ZAN: variants seen among roughly 807,000 people sequenced by gnomAD.
The protein encoded by ZAN is zonadhesin (gene/pseudogene).
A neutral mutation model predicts 286.2 loss-of-function variants in ZAN; 260 were observed. The ratio of observed to expected loss-of-function variants is 0.91; its 90% CI spans 0.82 to 1.01. ZAN has a LOEUF of 1.01. Among genes scored for constraint, ZAN ranks in the 50% least tolerant of loss-of-function variants. The pLI is 0.00. For synonymous variants in ZAN, 1,368 were observed against 1,417.5 expected (o/e 0.97, Z 0.79); for missense variants, 3,410 against 3,639.2 (o/e 0.94, Z 1.62).
Position 100,768,644 on chromosome 7 carries a change from G to A in ZAN, c.5076G>A (p.Leu1692=). Residue 1692 remains leucine, a synonymous_variant, in exon 27 of 48, where the codon CTG becomes CTA. Coordinates refer to ENST00000613979, the MANE Select transcript of ZAN (RefSeq NM_003386.3). ...NYNNNSLDDN[L]RPDRKLAGDS... is the part of the protein sequence containing the mutation. ...ACAACAACAGCTTGGATGACAACCTGCGCCCCGACAGAAAGCTTGCAGGCG... is the reference window on the plus strand; with the variant it reads ...ACAACAACAGCTTGGATGACAACCTACGCCCCGACAGAAAGCTTGCAGGCG... 1 of 1,611,038 alleles carries A rather than the reference G, an allele frequency of 6.2e-7. No individual in the cohort carries two copies. Among genetic ancestry groups the A allele is most frequent in the Non-Finnish European group, 8.5e-7 (1 of 1,178,568 alleles).
chr7:100,753,034 A>C lies in ZAN; in HGVS notation c.2929A>C (p.Thr977Pro). ...ACCCACCATCCCCACGGAAAAACTT[A>C]CCATCCCCACGGAAAAACCCACCAT... ...EKPTIPTEKL[T>P]IPTEKPTIPT... The change falls in exon 14 of 48, where the codon ACC becomes CCC. Residue 977 changes from threonine to proline, a missense_variant. By Grantham distance (38) the Thr-to-Pro change is conservative (BLOSUM62 -1). Around this residue, in one of 7 missense-constraint regions of ZAN, gnomAD observed 1,042 missense variants for 1,058.0 expected, o/e 0.98. Coordinates refer to ENST00000613979, the MANE Select transcript of ZAN (RefSeq NM_003386.3). 1.9e-6 allele frequency: 3 copies of C among 1,611,478 alleles called. No individual in the cohort carries two copies. Among genetic ancestry groups the C allele is most frequent in the Non-Finnish European group, 2.5e-6 (3 of 1,178,572 alleles).
rs1022976352 is a variant in ZAN, at chr7:100,743,809, G to A, written c.767-2729G>A. On this transcript the variant is annotated intron_variant, in intron 7 of 47. Transcript: ENST00000613979. ...GGAGGACTGATTGAGCCTGGGAGGT[G>A]GAGGTGGCAGTGAGCTGTGATCGCA... Among the ~76,000 whole-genome samples, 5 of 151,622 alleles carry A rather than the reference G, an allele frequency of 3.3e-5. 1 individual carries two copies. The highest frequency in any genetic ancestry group is 2.0e-4 in the Admixed American group (3 of 15,170).
rs1810566218 is a variant in ZAN, at chr7:100,773,818, A to G, written c.5732A>G (p.Asn1911Ser). 1 of 1,610,642 alleles carries G rather than the reference A, an allele frequency of 6.2e-7. No homozygotes were observed. The highest frequency in any genetic ancestry group is 1.7e-5 in the Admixed American group (1 of 59,498). ...ITCFQSTCKP[N>S]QICWALDGLL... is the part of the protein sequence containing the mutation. ...TGCTTCCAGAGCACCTGCAAACCCAACCAGATATGCTGGGCCCTGGATGGG... is the reference window on the plus strand; with the variant it reads ...TGCTTCCAGAGCACCTGCAAACCCAGCCAGATATGCTGGGCCCTGGATGGG... The change falls in exon 31 of 48, where the codon AAC (asparagine) becomes AGC (serine). Residue 1911 changes from asparagine to serine, a missense_variant. This residue lies in a region of ZAN where 1,289 missense variants were observed against 1,314.3 expected (regional missense o/e 0.98). Transcript: ENST00000613979.
At chr7:100,743,060 T>G (rs1301371742) in intron 7 of ZAN, among the ~76,000 whole-genome samples, 2 of 99,456 alleles carry the variant, frequency 2.0e-5, no homozygotes, top group East Asian at 5.0e-4. Flanking sequence ...AGAATCTTGC[T>G]GTTGCCAGGC....
intron 25 of ZAN, among the ~76,000 whole-genome samples, 152 bp downstream of exon 25, chr7:100,767,409 C>T (rs1057368235): frequency 6.6e-6 from 1 of 151,570 alleles, no homozygotes; most frequent in African/African-American, 2.4e-5. Context: ...TCTGGACTCC[C>T]TCCTCCCTCT....
At position 100,737,112 on chromosome 7, in the gene ZAN, G is replaced by C. The variant is rs775137866; in HGVS notation, c.525+32G>C. 153 of 1,474,330 alleles carry C rather than the reference G, an allele frequency of 1.0e-4. 32 individuals carry two copies. The highest frequency in any genetic ancestry group is 5.6e-4 in the South Asian group (47 of 83,228). The allele number at this position is 1,474,330 out of a possible 1,614,324, so 91.3% of individuals were successfully genotyped here. A position where few individuals can be genotyped will look rare whatever the true frequency, so the allele number is the denominator to read the frequency against. On this transcript the variant is annotated intron_variant, in intron 5 of 47. Coordinates refer to ENST00000613979, the MANE Select transcript of ZAN (RefSeq NM_003386.3). ...CCGGGGACAAATTGTGGGACCTCGG[G>C]GGGGAGTCTGGGTGTTGGAGAGCCT...
chr7:100,758,534 G>T lies in ZAN; in HGVS notation c.3455G>T (p.Gly1152Val). ...CTGTTCTCCTTCCCCCTCCCAGCAGGCACTGCCACCTGCTTGGTCTACGGA... is the reference window on the plus strand; with the variant it reads ...CTGTTCTCCTTCCCCCTCCCAGCAGTCACTGCCACCTGCTTGGTCTACGGA... Reference protein sequence around the residue: ...NGQYGCHPYAGTATCLVYGDP... With the variant: ...NGQYGCHPYAVTATCLVYGDP... Residue 1152 changes from glycine to valine, a missense_variant, in exon 17 of 48, where the codon GGC becomes GTC. Physicochemically the swap from Gly to Val is moderately radical, Grantham distance 109. Transcript: ENST00000613979. 5.8e-6 allele frequency: 9 copies of T among 1,558,220 alleles called. No individual in the cohort carries two copies. Among genetic ancestry groups the T allele is most frequent in the East Asian group, 2.4e-5 (1 of 41,378 alleles).
chr7:100,768,647 C>T lies in ZAN; in HGVS notation c.5079C>T (p.Arg1693=), dbSNP rs777030501. 6.2e-7 allele frequency: 1 copy of T among 1,610,850 alleles called. No homozygotes were observed. The highest frequency in any genetic ancestry group is 2.2e-5 in the East Asian group (1 of 44,794). ...ACAACAGCTTGGATGACAACCTGCG[C>T]CCCGACAGAAAGCTTGCAGGCGATT... ...YNNNSLDDNL[R]PDRKLAGDSM... The change falls in exon 27 of 48, where the codon CGC becomes CGT. Residue 1693 remains arginine, a synonymous_variant. Coordinates refer to ENST00000613979, the MANE Select transcript of ZAN (RefSeq NM_003386.3).
intron 12 of ZAN, 61 bp from the exon 13 acceptor site, chr7:100,751,121 A>G: frequency 4.9e-6 from 7 of 1,433,368 alleles, no homozygotes; most frequent in Non-Finnish European, 6.6e-6. Context: ...CAGTGGAATC[A>G]CAGAGTTGCT....
intron 27 of ZAN, 109 bp downstream of exon 27, chr7:100,768,830 C>A (rs1472219934): frequency 5.8e-6 from 5 of 855,572 alleles, no homozygotes; most frequent in South Asian, 4.2e-5. Flanking sequence ...TGTGCTGTAC[C>A]TCCCAACTGG....
chr7:100,783,339 T>C (rs1172648961), intron 35 of ZAN, among the ~76,000 whole-genome samples: 1 of 152,112 alleles, frequency 6.6e-6, no homozygotes, highest in Non-Finnish European at 1.5e-5. Flanking sequence ...TCACTACTGA[T>C]GGCTCTTTTT....
chr7:100,778,012 G>A (rs1810934294), intron 34 of ZAN, among the ~76,000 whole-genome samples: 1 of 152,154 alleles, frequency 6.6e-6, no homozygotes, highest in South Asian at 2.1e-4. Flanking sequence ...TAGAAACCTT[G>A]GAGGAGGAGC....
chr7:100,789,268 G>C lies in ZAN; in HGVS notation c.7278G>C (p.Arg2426=), dbSNP rs775347323. Reference sequence around the variant, plus strand: ...CCTACAGGCCAAATGAACACCTGCGGGTCACCCTGTGGGGCCAACGGCTCT... The same window carrying C: ...CCTACAGGCCAAATGAACACCTGCGCGTCACCCTGTGGGGCCAACGGCTCT... ...AVPYRPNEHL[R]VTLWGQRLYL... is the part of the protein sequence containing the mutation. Residue 2426 remains arginine (R), a synonymous_variant, in exon 39 of 48, where the codon CGG becomes CGC. Transcript: ENST00000613979. 9 of 1,613,768 alleles carry C rather than the reference G, an allele frequency of 5.6e-6. No individual in the cohort carries two copies. In the African/African-American group the frequency reaches 1.1e-4, roughly 19 times the overall value.
chr7:100,767,149 C>A lies in ZAN; in HGVS notation c.4752C>A (p.Ser1584Arg), dbSNP rs369180844. 1.9e-6 allele frequency: 3 copies of A among 1,613,762 alleles called. No individual in the cohort carries two copies. The highest frequency in any genetic ancestry group is 2.5e-6 in the Non-Finnish European group (3 of 1,179,868). The change falls in exon 25 of 48, where the codon AGC (serine) becomes AGA (arginine). Residue 1584 changes from serine to arginine, a missense_variant. This residue lies in a region of ZAN where 1,042 missense variants were observed against 1,058.0 expected (regional missense o/e 0.98). Transcript: ENST00000613979. ...SRSQDSYFVV[S>R]ATNENRGGIL... ...CCCAAGACAGCTATTTTGTTGTGAG[C>A]GCCACCAACGAGAACCGCGGGGGGA...
At chr7:100,748,586 C>T (rs890374671) in intron 11 of ZAN, 116 bp downstream of exon 11, 1 of 1,391,844 alleles carries the variant, frequency 7.2e-7, no homozygotes, top group Non-Finnish European at 9.6e-7. Context: ...GATCAGTCCA[C>T]AGGTGTTTTT....
Position 100,737,533 on chromosome 7 carries a change from C to T in ZAN, c.613+184C>T, listed in dbSNP as rs1457334945. 2.9e-5 allele frequency among the ~76,000 whole-genome samples: 4 copies of T among 138,740 alleles called. 1 individual carries two copies. Among genetic ancestry groups the T allele is most frequent in the Admixed American group, 1.4e-4 (2 of 13,954 alleles). The allele number at this position is 138,740 out of a possible 152,430, so 91.0% of individuals were successfully genotyped here. ...CTTTCTGGTTAACACGGTGAAGCCC[C>T]GTCTCTACTAAAAATACAAAAAATT... On this transcript the variant is annotated intron_variant, in intron 6 of 47. Coordinates refer to ENST00000613979, the MANE Select transcript of ZAN (RefSeq NM_003386.3).
chr7:100,750,212 C>T (rs948747972), intron 11 of ZAN, among the ~76,000 whole-genome samples: 3 of 151,846 alleles, frequency 2.0e-5, no homozygotes, highest in Non-Finnish European at 4.4e-5. Flanking sequence ...TCTTGGCTCA[C>T]TGCAACCTCC....
chr7:100,766,131 C>T (rs190221688), intron 23 of ZAN, among the ~76,000 whole-genome samples: 265 of 152,226 alleles, frequency 1.7e-3, no homozygotes, highest in African/African-American at 5.8e-3. Flanking sequence ...GGATTACAGG[C>T]GTGCACTACC....
Position 100,787,911 on chromosome 7 carries a change from T to C in ZAN, c.7002T>C (p.Tyr2334=), listed in dbSNP as rs764099451. ...CAGAGTCTGAACAATGCTCAGTCTA[T>C]GGCGACCCCCGTTACCTCACATTTG... is the stretch of plus-strand genomic sequence containing the variant. ...VSDKSEQCSV[Y]GDPRYLTFDG... is the part of the protein sequence containing the mutation. Residue 2334 remains tyrosine, a synonymous_variant, in exon 38 of 48, where the codon TAT becomes TAC. Transcript: ENST00000613979. 1.9e-6 allele frequency: 3 copies of C among 1,546,012 alleles called. No homozygotes were observed. The East Asian group carries it at 6.7e-5, about 35-fold the overall frequency.
Sources: allele counts gnomAD v4.1 joint callset (sites outside exome capture counted in the v4.1 genomes callset), GRCh38; gene constraint gnomAD v4.1.1; regional missense constraint gnomAD v4.1.1; transcripts MANE v1.5; gene names NCBI Gene and HGNC (gene_info 2026-07-23, HGNC 2026-07-21).